The following PTPRR variants were observed in gnomAD, a reference collection of about 807,000 sequenced individuals.
PTPRR encodes receptor-type tyrosine-protein phosphatase R.
In PTPRR, 38 loss-of-function variants were observed where a neutral mutation model predicts 77.2. That is an observed-to-expected ratio of 0.49 (90% CI 0.38 to 0.65). PTPRR has a LOEUF of 0.65. Ranked by LOEUF, PTPRR falls within the 30% of genes least tolerant of loss-of-function variation. The pLI is 0.00. For missense variants in PTPRR, 744 were observed against 799.2 expected (o/e 0.93, Z 0.83); for synonymous variants, 299 against 283.1 (o/e 1.06, Z -0.57).
At chr12:70,878,177 G>A (rs1400225668) in intron 2 of PTPRR, among the ~76,000 whole-genome samples, 3 of 152,124 alleles carry the variant, frequency 2.0e-5, no homozygotes, top group East Asian at 1.9e-4. Context: ...TACCATTCAC[G>A]ACATAGGCAT....
intron 8 of PTPRR, among the ~76,000 whole-genome samples, chr12:70,695,712 T>C (rs975524069): frequency 3.3e-5 from 5 of 152,216 alleles, no homozygotes; most frequent in Non-Finnish European, 5.9e-5. Flanking sequence ...ATTACTTATG[T>C]TTGGTATATT....
chr12:70,855,721 G>T (rs1012926822), intron 2 of PTPRR, among the ~76,000 whole-genome samples: 4 of 152,168 alleles, frequency 2.6e-5, no homozygotes, highest in Non-Finnish European at 5.9e-5. Flanking sequence ...AATGGCATGT[G>T]AAAACTGTTC....
chr12:70,750,115 G>T (rs565786404), intron 5 of PTPRR, among the ~76,000 whole-genome samples: 82 of 152,046 alleles, frequency 5.4e-4, no homozygotes, highest in African/African-American at 1.9e-3. Flanking sequence ...CAGCATATTT[G>T]AAAATGTCAT....
At chr12:70,902,341 T>G (rs990821984) in intron 1 of PTPRR, among the ~76,000 whole-genome samples, 1 of 151,766 alleles carries the variant, frequency 6.6e-6, no homozygotes, top group African/African-American at 2.4e-5. Flanking sequence ...AAGAAGTCGT[T>G]ATATGAAAAA....
intron 2 of PTPRR, among the ~76,000 whole-genome samples, chr12:70,783,607 T>A (rs1891250425): frequency 6.6e-6 from 1 of 151,964 alleles, no homozygotes; most frequent in African/African-American, 2.4e-5. Flanking sequence ...TGGGCAGCCA[T>A]GGGTGGGCCC....
At chr12:70,778,453 T>C (rs967594549) in intron 2 of PTPRR, among the ~76,000 whole-genome samples, 2 of 152,228 alleles carry the variant, frequency 1.3e-5, no homozygotes, top group Non-Finnish European at 2.9e-5. Flanking sequence ...TTTTCTCCTA[T>C]TATGCATTTG....
intron 13 of PTPRR, among the ~76,000 whole-genome samples, chr12:70,645,984 G>C (rs980357701): frequency 3.9e-5 from 6 of 152,094 alleles, no homozygotes; most frequent in African/African-American, 1.4e-4. Flanking sequence ...CTTTCCTGTC[G>C]TACCGCCCAG....
intron 9 of PTPRR, 87 bp from the exon 10 acceptor site, chr12:70,684,351 C>A: frequency 1.4e-6 from 2 of 1,445,936 alleles, no homozygotes; most frequent in Non-Finnish European, 9.5e-7. Context: ...AACGAAATAG[C>A]TGGGCTAGTA....
chr12:70,657,056 T>C (rs573067303), intron 12 of PTPRR, among the ~76,000 whole-genome samples: 1 of 152,220 alleles, frequency 6.6e-6, no homozygotes, highest in East Asian at 1.9e-4. Flanking sequence ...AAAGGCATTA[T>C]AATTGTTCTA....
chr12:70,720,247 C>T (rs945123498), intron 6 of PTPRR, among the ~76,000 whole-genome samples: 1 of 152,134 alleles, frequency 6.6e-6, no homozygotes, highest in Non-Finnish European at 1.5e-5. Flanking sequence ...CGAATCCTAT[C>T]TCTGCAGTAA....
chr12:70,893,053 A>G, intron 1 of PTPRR, 76 bp from the exon 2 acceptor site: 1 of 1,460,308 alleles, frequency 6.8e-7, no homozygotes, highest in East Asian at 2.3e-5. Context: ...GATGAAGAGG[A>G]TTACCCTTTC....
intron 1 of PTPRR, among the ~76,000 whole-genome samples, chr12:70,914,117 A>G (rs943885746): frequency 1.3e-5 from 2 of 152,198 alleles, no homozygotes; most frequent in African/African-American, 4.8e-5. Flanking sequence ...AGTTGGAGAA[A>G]GAGTCATCTA....
chr12:70,684,681 G>T, intron 9 of PTPRR, 23 bp downstream of exon 9: 1 of 1,478,950 alleles, frequency 6.8e-7, no homozygotes, highest in Admixed American at 2.0e-5. Flanking sequence ...TCACCAGAAA[G>T]AAATTTGTAC....
At chr12:70,904,108 G>A in intron 1 of PTPRR, among the ~76,000 whole-genome samples, 1 of 151,832 alleles carries the variant, frequency 6.6e-6, no homozygotes, top group Non-Finnish European at 1.5e-5. Flanking sequence ...GACCTTGCAG[G>A]TGAGAATGCA....
At position 70,749,086 on chromosome 12, in the gene PTPRR, G is replaced by A. The variant is rs542365433; in HGVS notation, c.739-3000C>T. On this transcript the variant is annotated intron_variant, in intron 5 of 13. Coordinates refer to ENST00000283228, the MANE Select transcript of PTPRR (RefSeq NM_002849.4). ...ATGGCTCTGATAAATACAGCCATTC[G>A]CATCTGCTACTACTGGAGTTATTTG... is the stretch of plus-strand genomic sequence containing the variant. Among the ~76,000 whole-genome samples, 6 of 152,248 alleles carry A rather than the reference G, an allele frequency of 3.9e-5. No individual in the cohort carries two copies. In the East Asian group the frequency reaches 5.8e-4, roughly 15 times the overall value.
At chr12:70,861,265 G>C (rs533781100) in intron 2 of PTPRR, among the ~76,000 whole-genome samples, 1 of 152,112 alleles carries the variant, frequency 6.6e-6, no homozygotes, top group Non-Finnish European at 1.5e-5. Flanking sequence ...GAGAAAGACA[G>C]AGTATCTCAT....
At chr12:70,735,524 C>T (rs1592717722) in intron 6 of PTPRR, among the ~76,000 whole-genome samples, 1 of 152,152 alleles carries the variant, frequency 6.6e-6, no homozygotes, top group Non-Finnish European at 1.5e-5. Flanking sequence ...CTGGGTCCCT[C>T]CCATGACATG....
At chr12:70,892,467 C>A (rs1421278003) in intron 2 of PTPRR, among the ~76,000 whole-genome samples, 2 of 151,910 alleles carry the variant, frequency 1.3e-5, no homozygotes, top group African/African-American at 2.4e-5. Flanking sequence ...CTGCTATGAG[C>A]GGAGGATACA....
intron 2 of PTPRR, among the ~76,000 whole-genome samples, chr12:70,815,836 C>A (rs1458289276): frequency 1.3e-5 from 2 of 152,128 alleles, no homozygotes; most frequent in East Asian, 1.9e-4. Flanking sequence ...AAATGAAGAG[C>A]ACCAACACTG....
Sources: gnomAD v4.1 joint callset for allele counts (sites outside exome capture counted in the v4.1 genomes callset) on GRCh38, gnomAD v4.1.1 for gene constraint, MANE v1.5 for transcripts, NCBI Gene and HGNC (gene_info 2026-07-23, HGNC 2026-07-21) for gene names.